The following OR51B5 variants were observed in gnomAD, a reference collection of about 807,000 sequenced individuals.
OR51B5 encodes olfactory receptor 51B5.
For synonymous variants in OR51B5, 186 were observed against 144.8 expected (o/e 1.28, Z -2.04); for missense variants, 456 against 374.6 (o/e 1.22, Z -1.79).
exon 1 of OR51B5, chr11:5,343,226 TAGGCCTGGGAAAAGC>T (rs1215423191): frequency 8.7e-6 from 14 of 1,613,614 alleles, no homozygotes; most frequent in Non-Finnish European, 1.2e-5. Flanking sequence ...GTGTATAAAG[TAGGCCTGGGAAAAGC>T]AGGCCGCACT....
chr11:5,439,275 A>C (rs894414937), intron 1 of OR51B5, among the ~76,000 whole-genome samples: 7 of 152,248 alleles, frequency 4.6e-5, no homozygotes, highest in Middle Eastern at 3.4e-3. Flanking sequence ...ATTGTGTATC[A>C]AATTCTCCTC....
At chr11:5,447,591 A>G (rs1850785658) in intron 1 of OR51B5, among the ~76,000 whole-genome samples, 1 of 149,658 alleles carries the variant, frequency 6.7e-6, no homozygotes, top group Non-Finnish European at 1.5e-5. Context: ...CTCAGTCTCA[A>G]TCCCATATCT....
At chr11:5,385,389 C>G (rs1849671974) in intron 1 of OR51B5, 1 of 152,232 alleles carries the variant, frequency 6.6e-6, no homozygotes, top group Non-Finnish European at 1.5e-5. Context: ...CCCTGTCCAT[C>G]TCATCACTCT....
intron 1 of OR51B5, among the ~76,000 whole-genome samples, chr11:5,382,871 G>C (rs1849630815): frequency 6.6e-6 from 1 of 152,064 alleles, no homozygotes; most frequent in Non-Finnish European, 1.5e-5. Flanking sequence ...CCTGGTTTTA[G>C]ATCTGTATGC....
chr11:5,365,800 G>T (rs7112862), intron 1 of OR51B5, among the ~76,000 whole-genome samples: 23,835 of 152,210 alleles, frequency 0.16, 2,197 homozygotes, highest in Non-Finnish European at 0.21. Flanking sequence ...TACCCACATT[G>T]TCTAGCACAT....
chr11:5,390,944 T>G (rs1192140110), intron 1 of OR51B5: 2 of 153,258 alleles, frequency 1.3e-5, no homozygotes, highest in Non-Finnish European at 2.9e-5. Context: ...CCCCCAAATT[T>G]CTAAGGTTGT....
chr11:5,443,485 T>A (rs1181990443), intron 1 of OR51B5, among the ~76,000 whole-genome samples: 2 of 151,916 alleles, frequency 1.3e-5, no homozygotes, highest in African/African-American at 4.8e-5. Flanking sequence ...CTAAGAGGTC[T>A]TTTTAGATCT....
At chr11:5,499,299 G>GAATAGGTCTCTTAGACCTATTTCTGTC in intron 1 of OR51B5, among the ~76,000 whole-genome samples, 1 of 152,204 alleles carries the variant, frequency 6.6e-6, no homozygotes, top group Non-Finnish European at 1.5e-5. Flanking sequence ...CTATTTCTGT[G>GAATAGGTCTCTTAGACCTATTTCTGTC]AATAATTCTA....
intron 1 of OR51B5, among the ~76,000 whole-genome samples, chr11:5,405,033 A>T (rs1486095757): frequency 1.3e-5 from 2 of 152,182 alleles, no homozygotes; most frequent in East Asian, 3.9e-4. Flanking sequence ...CGTTGCAGAA[A>T]CTCTTAAAGA....
At chr11:5,474,139 TACA>T (rs1409013433) in intron 1 of OR51B5, among the ~76,000 whole-genome samples, 6 of 152,170 alleles carry the variant, frequency 3.9e-5, no homozygotes, top group African/African-American at 1.2e-4. Flanking sequence ...ACCATAAACT[TACA>T]ACAATCTTCA....
chr11:5,409,555 C>T lies in OR51B5; in HGVS notation n.85-62645G>A, dbSNP rs924032576. 2.6e-5 allele frequency among the ~76,000 whole-genome samples: 4 copies of T among 151,622 alleles called. No individual in the cohort carries two copies. The South Asian group carries it at 6.2e-4, about 24-fold the overall frequency. On this transcript the variant is annotated intron_variant and non_coding_transcript_variant, in intron 1 of 4. Coordinates refer to the OR51B5 transcript ENST00000415970. ...AATGCATTTAAAAGAATATTAAAGG[C>T]AACAGAAAGCTCTTCCAAGAAAAGA... is the stretch of plus-strand genomic sequence containing the variant.
At chr11:5,469,528 C>T in intron 1 of OR51B5, 1 of 151,688 alleles carries the variant, frequency 6.6e-6, no homozygotes, top group East Asian at 1.9e-4. Context: ...CTAGGAGAGA[C>T]AATGATGCTT....
chr11:5,367,341 G>T (rs1849385329), intron 1 of OR51B5, among the ~76,000 whole-genome samples: 1 of 152,160 alleles, frequency 6.6e-6, no homozygotes, highest in Non-Finnish European at 1.5e-5. Context: ...GAAAGTAAAG[G>T]AGTAAAATAA....
intron 1 of OR51B5, chr11:5,402,941 C>T (rs1849994719): frequency 2.1e-6 from 1 of 471,226 alleles, no homozygotes; most frequent in Admixed American, 2.3e-5. Context: ...ATGATGGAGC[C>T]AGCTGTGCTG....
intron 1 of OR51B5, among the ~76,000 whole-genome samples, chr11:5,450,816 G>A (rs1850834774): frequency 6.6e-6 from 1 of 152,082 alleles, no homozygotes; most frequent in African/African-American, 2.4e-5. Context: ...GAGAGCATGC[G>A]GTGTTTGGTT....
At chr11:5,422,899 G>A in intron 1 of OR51B5, 1 of 1,614,026 alleles carries the variant, frequency 6.2e-7, no homozygotes, top group Non-Finnish European at 8.5e-7. Context: ...CAGCCACCTG[G>A]GCTGAGCGAC....
intron 1 of OR51B5, among the ~76,000 whole-genome samples, chr11:5,492,673 G>A (rs1024007569): frequency 2.6e-5 from 4 of 152,164 alleles, no homozygotes; most frequent in Non-Finnish European, 5.9e-5. Flanking sequence ...CTACATCTTT[G>A]TTAATCAGGC....
At position 5,364,824 on chromosome 11, in the gene OR51B5, C is replaced by G. The variant is rs79851013; in HGVS notation, n.85-17914G>C. ...TCTGGATATGCTGAAGCCAACCTCA[C>G]AGGACTTTGTTACCTTTCCTAAGTT... On this transcript the variant is annotated intron_variant and non_coding_transcript_variant, in intron 1 of 4. Coordinates refer to the OR51B5 transcript ENST00000415970. Among the ~76,000 whole-genome samples the G allele has an allele frequency of 3.9e-3, 597 of 152,316 alleles. 2 individuals carry two copies. The highest frequency in any genetic ancestry group is 0.01 in the African/African-American group (427 of 41,578).
At chr11:5,382,317 C>G (rs140263713) in intron 1 of OR51B5, among the ~76,000 whole-genome samples, 117 of 152,294 alleles carry the variant, frequency 7.7e-4, no homozygotes, top group Middle Eastern at 3.4e-3. Context: ...AAAGCCCTAT[C>G]TGTGGTTGAT....
Sources: gnomAD v4.1 joint callset for allele counts (sites outside exome capture counted in the v4.1 genomes callset) on GRCh38, gnomAD v4.1.1 for gene constraint, MANE v1.5 for transcripts, NCBI Gene and HGNC (gene_info 2026-07-23, HGNC 2026-07-21) for gene names.